JPH3: variants seen among roughly 807,000 people sequenced by gnomAD.
The protein encoded by JPH3 is junctophilin-3.
JPH3 carries 11 observed loss-of-function variants against 59.6 expected under a neutral mutation model. The observed-to-expected ratio is 0.18, with a 90% CI of 0.12 to 0.31. The LOEUF is 0.31. Ranked by LOEUF, JPH3 falls within the 10% of genes least tolerant of loss-of-function variation. The pLI, the probability that JPH3 is intolerant of heterozygous loss-of-function variation, is 1.00. For missense variants in JPH3, 1,202 were observed against 1,105.7 expected, an observed-to-expected ratio of 1.09 and a Z score of -1.24; for synonymous variants, 673 against 483.6, an observed-to-expected ratio of 1.39 and a Z score of -5.14.
At chr16:87,662,959 C>T (rs987744158) in intron 2 of JPH3, among the ~76,000 whole-genome samples, 3 of 152,224 alleles carry the variant, frequency 2.0e-5, no homozygotes, top group Admixed American at 1.3e-4. Flanking sequence ...GGTTGGTAAG[C>T]CCTGAGCTCA....
At chr16:87,678,612 GC>G (rs924629964) in intron 2 of JPH3, among the ~76,000 whole-genome samples, 1 of 152,156 alleles carries the variant, frequency 6.6e-6, no homozygotes, top group African/African-American at 2.4e-5. Flanking sequence ...TCTGTAGTGG[GC>G]TGAATGGTGT....
chr16:87,680,594 G>C (rs1209380524), intron 2 of JPH3, among the ~76,000 whole-genome samples: 1 of 152,228 alleles, frequency 6.6e-6, no homozygotes, highest in Non-Finnish European at 1.5e-5. Context: ...CGGAGCCATG[G>C]TGCAGGGGTG....
intron 1 of JPH3, among the ~76,000 whole-genome samples, chr16:87,636,126 C>T (rs1378319241): frequency 6.6e-6 from 1 of 152,220 alleles, no homozygotes; most frequent in African/African-American, 2.4e-5. Context: ...GCCTGTTCTG[C>T]AGGTGACCAG....
At chr16:87,633,494 T>A (rs61232140) in intron 1 of JPH3, among the ~76,000 whole-genome samples, 7,629 of 149,490 alleles carry the variant, frequency 0.051, 558 homozygotes, top group African/African-American at 0.16. Context: ...AAAAAAAAAA[T>A]TTATATATAT....
chr16:87,657,462 G>T (rs764466927), intron 2 of JPH3, among the ~76,000 whole-genome samples: 1 of 152,196 alleles, frequency 6.6e-6, no homozygotes, highest in Non-Finnish European at 1.5e-5. Flanking sequence ...ACAGTACCCT[G>T]CAAGTGGACC....
Position 87,645,331 on chromosome 16 carries a change from T to C in JPH3, c.1160+296T>C, listed in dbSNP as rs551953589. 9.8e-4 allele frequency among the ~76,000 whole-genome samples: 150 copies of C among 152,292 alleles called. 1 individual carries two copies. Among genetic ancestry groups the C allele is most frequent in the South Asian group, 4.1e-3 (20 of 4,828 alleles). ...ATATGCTGATGTTTAGTGTAAAATA[T>C]TGGTGAATAAAGAAGGTGGTCTGTT... is the stretch of plus-strand genomic sequence containing the variant. On this transcript the variant is annotated intron_variant, in intron 2 of 4. Transcript: ENST00000284262.
At chr16:87,631,157 T>C (rs185091406) in intron 1 of JPH3, among the ~76,000 whole-genome samples, 3 of 152,306 alleles carry the variant, frequency 2.0e-5, no homozygotes, top group Admixed American at 6.5e-5. Flanking sequence ...AATACGTTTG[T>C]TTATTGATTG....
chr16:87,658,436 C>A (rs1316132109), intron 2 of JPH3, among the ~76,000 whole-genome samples: 1 of 151,564 alleles, frequency 6.6e-6, no homozygotes, highest in Admixed American at 6.6e-5. Flanking sequence ...CTCTATCTCC[C>A]TATCTGCTTT....
At chr16:87,667,104 G>C (rs2032887708) in intron 2 of JPH3, among the ~76,000 whole-genome samples, 1 of 152,234 alleles carries the variant, frequency 6.6e-6, no homozygotes, top group Admixed American at 6.5e-5. Context: ...CCGGCTTCTG[G>C]GGGCTGCCGG....
intron 2 of JPH3, among the ~76,000 whole-genome samples, chr16:87,662,310 C>T (rs2032730520): frequency 6.6e-6 from 1 of 152,168 alleles, no homozygotes; most frequent in South Asian, 2.1e-4. Flanking sequence ...GTTTAAGGGT[C>T]AGTGGGCGCC....
At chr16:87,691,752 C>G (rs1422645868) in intron 4 of JPH3, among the ~76,000 whole-genome samples, 3 of 152,170 alleles carry the variant, frequency 2.0e-5, no homozygotes, top group Admixed American at 6.6e-5. Context: ...TTCCCCAAAG[C>G]CCACAGAGAA....
At chr16:87,681,943 C>T (rs1211411420) in intron 2 of JPH3, among the ~76,000 whole-genome samples, 2 of 152,122 alleles carry the variant, frequency 1.3e-5, no homozygotes, top group African/African-American at 4.8e-5. Context: ...TGGGGCATCG[C>T]AAATCCTCCT....
chr16:87,655,726 G>A (rs572231084), intron 2 of JPH3, among the ~76,000 whole-genome samples: 6 of 152,356 alleles, frequency 3.9e-5, no homozygotes, highest in Non-Finnish European at 7.3e-5. Flanking sequence ...TTCAGAACAC[G>A]TAATGAGTGC....
In JPH3 at chr16:87,674,629, C is replaced by T. The variant is rs373499446; in HGVS notation, c.1161-9513C>T. On this transcript the variant is annotated intron_variant, in intron 2 of 4. Transcript: ENST00000284262. ...CATGGGAGAGGAAGCGAAAGAGAAC[C>T]ACTCAGAATGAAGAGTCATTTTCTG... Among the ~76,000 whole-genome samples, 5 of 152,344 alleles carry T rather than the reference C, an allele frequency of 3.3e-5. No individual in the cohort carries two copies. In the East Asian group the frequency reaches 9.6e-4, roughly 29 times the overall value.
At chr16:87,617,577 T>C (rs1019573861) in intron 1 of JPH3, among the ~76,000 whole-genome samples, 4 of 128,896 alleles carry the variant, frequency 3.1e-5, no homozygotes, top group African/African-American at 1.2e-4. Context: ...ATGCCACCTC[T>C]AGGGAGGGGT....
rs972022296 is a variant in JPH3, at chr16:87,669,951, C to T, written c.1161-14191C>T. Among the ~76,000 whole-genome samples, 5 of 152,224 alleles carry T rather than the reference C, an allele frequency of 3.3e-5. No individual in the cohort carries two copies. In the East Asian group the frequency reaches 7.7e-4, roughly 24 times the overall value. Reference sequence around the variant, plus strand: ...CTCAGAGGCCGTGGGTGTGCCTGCCCGCCTGTGTCAGCTCCAGCCGTGGGG... The same window carrying T: ...CTCAGAGGCCGTGGGTGTGCCTGCCTGCCTGTGTCAGCTCCAGCCGTGGGG... On this transcript the variant is annotated intron_variant, in intron 2 of 4. Coordinates refer to ENST00000284262, the MANE Select transcript of JPH3 (RefSeq NM_020655.4).
chr16:87,674,044 A>T (rs1484176111), intron 2 of JPH3, among the ~76,000 whole-genome samples: 1 of 151,246 alleles, frequency 6.6e-6, no homozygotes, highest in Admixed American at 6.6e-5. Flanking sequence ...AAAAAAAAAA[A>T]CAAAAACAGG....
chr16:87,617,549 C>G (rs2031016960), intron 1 of JPH3, among the ~76,000 whole-genome samples: 1 of 145,364 alleles, frequency 6.9e-6, no homozygotes, highest in African/African-American at 2.6e-5. Context: ...AGAGAGGAAG[C>G]TGGGGGTCAT....
chr16:87,651,892 A>G (rs1056982570), intron 2 of JPH3, among the ~76,000 whole-genome samples: 2 of 152,276 alleles, frequency 1.3e-5, no homozygotes, highest in Admixed American at 1.3e-4. Flanking sequence ...CGTGAGTCAA[A>G]TGCTATCAAA....
Sources: allele counts gnomAD v4.1 joint callset (sites outside exome capture counted in the v4.1 genomes callset), GRCh38; gene constraint gnomAD v4.1.1; transcripts MANE v1.5; gene names NCBI Gene and HGNC (gene_info 2026-07-23, HGNC 2026-07-21).